Variants in WWOX observed in about 807,000 individuals in gnomAD.
The protein encoded by WWOX is WW domain-containing oxidoreductase.
WWOX carries 69 observed loss-of-function variants against 46.2 expected under a neutral mutation model. That is an observed-to-expected ratio of 1.49 (90% CI 1.23 to 1.82). The LOEUF (loss-of-function observed/expected upper bound fraction) is 1.82. Ranked by LOEUF, WWOX falls within the 40% of genes most tolerant of loss-of-function variation. WWOX has a pLI of 0.00. For synonymous variants in WWOX, 359 were observed against 202.6 expected (o/e 1.77, Z -6.56); for missense variants, 919 against 542.6 (o/e 1.69, Z -6.89).
At chr16:79,194,862 G>A (rs1014427022) in intron 8 of WWOX, among the ~76,000 whole-genome samples, 27 of 152,100 alleles carry the variant, frequency 1.8e-4, no homozygotes, top group African/African-American at 6.5e-4. Context: ...CTAAGCAGAT[G>A]CTCCCAGAGT....
In WWOX at chr16:78,546,718, G is replaced by C. The variant is rs555899155; in HGVS notation, c.1056+113966G>C. 7.9e-5 allele frequency among the ~76,000 whole-genome samples: 12 copies of C among 152,200 alleles called. No individual in the cohort carries two copies. In the East Asian group the frequency reaches 2.3e-3, roughly 29 times the overall value. On this transcript the variant is annotated intron_variant, in intron 8 of 8. Coordinates refer to ENST00000566780, the MANE Select transcript of WWOX (RefSeq NM_016373.4). ...TTAAGAAGTGCATCAGGTTCTTCTG[G>C]TACTGATTGTCCATGAACCACACTT... is the stretch of plus-strand genomic sequence containing the variant.
chr16:78,570,552 G>C (rs1052098229), intron 8 of WWOX, among the ~76,000 whole-genome samples: 13 of 151,972 alleles, frequency 8.6e-5, no homozygotes, highest in African/African-American at 1.2e-4. Flanking sequence ...GGACTCAAGT[G>C]ATCCTCCCGC....
At chr16:78,999,788 C>G (rs1022879887) in intron 8 of WWOX, among the ~76,000 whole-genome samples, 5 of 152,090 alleles carry the variant, frequency 3.3e-5, no homozygotes, top group Non-Finnish European at 5.9e-5. Flanking sequence ...GATGGATACA[C>G]TAAAAGTGCA....
At chr16:79,149,302 A>G (rs1353651372) in intron 8 of WWOX, among the ~76,000 whole-genome samples, 1 of 152,070 alleles carries the variant, frequency 6.6e-6, no homozygotes, top group Admixed American at 6.5e-5. Flanking sequence ...TGATCATATG[A>G]TTTTCCTTTA....
At chr16:79,175,291 A>G (rs534770869) in intron 8 of WWOX, among the ~76,000 whole-genome samples, 1 of 152,242 alleles carries the variant, frequency 6.6e-6, no homozygotes, top group African/African-American at 2.4e-5. Context: ...TTTATTCAAC[A>G]TAAGAAAGCC....
At chr16:79,107,806 A>G (rs2049340351) in intron 8 of WWOX, among the ~76,000 whole-genome samples, 1 of 152,220 alleles carries the variant, frequency 6.6e-6, no homozygotes, top group South Asian at 2.1e-4. Flanking sequence ...TGATCACAAA[A>G]TTATAATCAC....
chr16:78,409,934 C>T (rs185010703), intron 6 of WWOX, among the ~76,000 whole-genome samples: 132 of 152,292 alleles, frequency 8.7e-4, no homozygotes, highest in Middle Eastern at 6.8e-3. Flanking sequence ...AGCTCCCTGT[C>T]TCAAGGTGAT....
intron 8 of WWOX, among the ~76,000 whole-genome samples, chr16:78,698,322 G>C (rs1056511975): frequency 6.6e-6 from 1 of 152,168 alleles, no homozygotes; most frequent in Non-Finnish European, 1.5e-5. Context: ...AGGGAGATGA[G>C]AGATACAGAT....
chr16:78,668,508 T>C (rs564930763), intron 8 of WWOX, among the ~76,000 whole-genome samples: 2 of 152,044 alleles, frequency 1.3e-5, no homozygotes, highest in South Asian at 2.1e-4. Context: ...CTGGGAACAG[T>C]TGAGTAAGAA....
rs1397178795 is a variant in WWOX at position 78,346,785 on chromosome 16, A to T, written c.517-40075A>T. On this transcript the variant is annotated intron_variant, in intron 5 of 8. Transcript: ENST00000566780. ...AGTGGTGTGATCTTGGTTTACTGCA[A>T]CCTCTGCCTACTGGGTTCAAGCGAT... Among the ~76,000 whole-genome samples the T allele has an allele frequency of 1.7e-5, 2 of 119,940 alleles. 1 individual carries two copies. Among genetic ancestry groups the T allele is most frequent in the Non-Finnish European group, 4.0e-5 (2 of 50,194 alleles). 78.7% of individuals were successfully genotyped at this position (119,940 alleles called of 152,430 possible).
At chr16:78,596,621 C>T (rs763781034) in intron 8 of WWOX, among the ~76,000 whole-genome samples, 1 of 152,148 alleles carries the variant, frequency 6.6e-6, no homozygotes, top group Non-Finnish European at 1.5e-5. Context: ...ACCTATGGAA[C>T]ATGCTGATTT....
chr16:79,054,227 C>T (rs956933103), intron 8 of WWOX, among the ~76,000 whole-genome samples: 2 of 152,202 alleles, frequency 1.3e-5, no homozygotes, highest in Non-Finnish European at 2.9e-5. Flanking sequence ...GGGAATCTTT[C>T]AGAGATAATA....
chr16:78,218,592 AT>A (rs1225747928), intron 5 of WWOX, among the ~76,000 whole-genome samples: 7 of 152,200 alleles, frequency 4.6e-5, no homozygotes, highest in African/African-American at 1.4e-4. Context: ...GAAAAAAAAA[AT>A]GTCACGATAA....
At position 78,869,211 on chromosome 16, in the gene WWOX, G is replaced by A. The variant is rs76287071; in HGVS notation, c.1057-342397G>A. The stretch of plus-strand genomic sequence containing the variant: ...TCATGTTCTGTGGACTCTGTGGTGG[G>A]TGGGGTCCAAGCCTCCCTGAAGCAG... On this transcript the variant is annotated intron_variant, in intron 8 of 8. Coordinates refer to ENST00000566780, the MANE Select transcript of WWOX (RefSeq NM_016373.4). Among the ~76,000 whole-genome samples, 1,358 of 152,212 alleles carry A rather than the reference G, an allele frequency of 8.9e-3. 46 individuals are homozygous for A. Among genetic ancestry groups the A allele is most frequent in the Admixed American group, 0.057 (866 of 15,278 alleles).
chr16:78,494,180 C>G (rs1194660065), intron 8 of WWOX, among the ~76,000 whole-genome samples: 3 of 152,186 alleles, frequency 2.0e-5, no homozygotes, highest in African/African-American at 7.2e-5. Flanking sequence ...TTTAAACAAA[C>G]AGATCTCAGG....
At chr16:78,625,493 T>G (rs1285619614) in intron 8 of WWOX, among the ~76,000 whole-genome samples, 1 of 152,146 alleles carries the variant, frequency 6.6e-6, no homozygotes, top group Non-Finnish European at 1.5e-5. Flanking sequence ...AGAACATCTT[T>G]AGATTTAAAG....
intron 6 of WWOX, among the ~76,000 whole-genome samples, chr16:78,422,760 C>CATATATATACACACATATAT (rs1567563500): frequency 8.8e-6 from 1 of 113,930 alleles, no homozygotes; most frequent in African/African-American, 5.2e-5. Context: ...CATATATACA[C>CATATATATACACACATATAT]ATATATATAC....
intron 5 of WWOX, among the ~76,000 whole-genome samples, chr16:78,201,461 G>C (rs897351435): frequency 6.6e-6 from 1 of 152,008 alleles, no homozygotes; most frequent in African/African-American, 2.4e-5. Context: ...ATAAATGTTT[G>C]GCAAAACCAA....
chr16:78,178,015 A>G (rs1402220345), intron 5 of WWOX, among the ~76,000 whole-genome samples: 6 of 152,232 alleles, frequency 3.9e-5, no homozygotes, highest in Admixed American at 1.3e-4. Flanking sequence ...CCTCACTTGT[A>G]GAAACTCCAT....
Sources: gnomAD v4.1 joint callset for allele counts (sites outside exome capture counted in the v4.1 genomes callset) on GRCh38, gnomAD v4.1.1 for gene constraint, MANE v1.5 for transcripts, NCBI Gene and HGNC (gene_info 2026-07-23, HGNC 2026-07-21) for gene names.